CEP112: variants seen among roughly 807,000 people sequenced by gnomAD.
CEP112 encodes the protein centrosomal protein 112.
Under a neutral mutation model 153.0 loss-of-function variants are expected in CEP112, and 127 were observed. The ratio of observed to expected loss-of-function variants is 0.83; its 90% CI spans 0.72 to 0.96. The LOEUF (loss-of-function observed/expected upper bound fraction) is 0.96, where lower values mean the gene tolerates loss of function less well. CEP112 is among the 40% of genes least tolerant of loss of function. The probability of loss-of-function intolerance (pLI) is 0.00; values close to 1 mark genes in which losing one functional copy is unlikely to be tolerated. For missense variants in CEP112, 1,089 were observed against 1,101.2 expected, an observed-to-expected ratio of 0.99 and a Z score of 0.16; for synonymous variants, 358 against 374.4, an observed-to-expected ratio of 0.96 and a Z score of 0.51.
chr17:66,074,832 A>G, intron 8 of CEP112, among the ~76,000 whole-genome samples: 1 of 150,198 alleles, frequency 6.7e-6, no homozygotes, highest in Admixed American at 6.6e-5. Flanking sequence ...CACTGCACTC[A>G]AGCCTGGTGA....
At chr17:66,179,621 T>C (rs551598764) in intron 2 of CEP112, among the ~76,000 whole-genome samples, 7 of 152,184 alleles carry the variant, frequency 4.6e-5, no homozygotes, top group South Asian at 2.1e-4. Flanking sequence ...TATAAGATCA[T>C]AGCATCTTTA....
At chr17:65,960,236 A>G (rs1052935801) in intron 18 of CEP112, among the ~76,000 whole-genome samples, 2 of 152,210 alleles carry the variant, frequency 1.3e-5, no homozygotes, top group Non-Finnish European at 2.9e-5. Flanking sequence ...AAATAAATTT[A>G]GTGTTAAAAA....
intron 24 of CEP112, among the ~76,000 whole-genome samples, chr17:65,686,040 T>C (rs889171720): frequency 2.0e-5 from 3 of 151,906 alleles, no homozygotes; most frequent in Non-Finnish European, 4.4e-5. Flanking sequence ...AGATAAAAGA[T>C]TAAGTTAAAT....
chr17:65,769,216 CAAG>C (rs1003205287), intron 21 of CEP112, among the ~76,000 whole-genome samples: 19 of 151,806 alleles, frequency 1.3e-4, no homozygotes, highest in Admixed American at 1.2e-3. Flanking sequence ...TAAATTTAAC[CAAG>C]GAGAGACCTG....
intron 3 of CEP112, among the ~76,000 whole-genome samples, chr17:66,176,227 T>G (rs1350463069): frequency 1.3e-5 from 2 of 152,182 alleles, no homozygotes; most frequent in African/African-American, 2.4e-5. Flanking sequence ...TACCTAGTAC[T>G]CCAGATTTCT....
chr17:65,864,276 T>C (rs977459294), intron 20 of CEP112, among the ~76,000 whole-genome samples: 1 of 152,186 alleles, frequency 6.6e-6, no homozygotes, highest in African/African-American at 2.4e-5. Flanking sequence ...AGTCATATTT[T>C]AAGATGCTGG....
intron 8 of CEP112, among the ~76,000 whole-genome samples, chr17:66,090,286 T>C (rs932073722): frequency 6.6e-6 from 1 of 151,942 alleles, no homozygotes; most frequent in African/African-American, 2.4e-5. Flanking sequence ...AAACACAGAA[T>C]AGTCTAATAA....
intron 23 of CEP112, among the ~76,000 whole-genome samples, chr17:65,724,244 T>C (rs1416145841): frequency 2.6e-5 from 4 of 152,174 alleles, no homozygotes; most frequent in Non-Finnish European, 4.4e-5. Context: ...TCTTTTTGGG[T>C]GGCAGGACAG....
At chr17:65,745,361 T>C (rs1294952879) in intron 22 of CEP112, among the ~76,000 whole-genome samples, 3 of 152,254 alleles carry the variant, frequency 2.0e-5, no homozygotes, top group East Asian at 3.8e-4. Flanking sequence ...ATTGTTTCCA[T>C]TCTGGCATCA....
intron 24 of CEP112, among the ~76,000 whole-genome samples, chr17:65,684,040 TAAAAACAAAAAC>T (rs965610731): frequency 1.3e-5 from 2 of 151,988 alleles, no homozygotes; most frequent in African/African-American, 2.4e-5. Flanking sequence ...ACTCCATCAT[TAAAAACAAAAAC>T]AAAAACAAAA....
chr17:66,099,163 GAAGAT>G (rs2068461194), intron 6 of CEP112, among the ~76,000 whole-genome samples: 2 of 152,142 alleles, frequency 1.3e-5, no homozygotes, highest in African/African-American at 4.8e-5. Flanking sequence ...AAAAGCAGCT[GAAGAT>G]AAGGGCCCTG....
chr17:66,016,736 T>C (rs868128892), intron 16 of CEP112, among the ~76,000 whole-genome samples: 1 of 152,146 alleles, frequency 6.6e-6, no homozygotes, highest in Non-Finnish European at 1.5e-5. Flanking sequence ...TTCCCCTCTA[T>C]TTACTGTTGA....
At chr17:66,171,384 T>C (rs2072235974) in intron 4 of CEP112, among the ~76,000 whole-genome samples, 1 of 152,210 alleles carries the variant, frequency 6.6e-6, no homozygotes, top group Non-Finnish European at 1.5e-5. Flanking sequence ...GAGGCAGCAT[T>C]AAACTTCAGT....
intron 10 of CEP112, among the ~76,000 whole-genome samples, chr17:66,065,488 G>A (rs2067080394): frequency 6.6e-6 from 1 of 152,080 alleles, no homozygotes; most frequent in East Asian, 1.9e-4. Flanking sequence ...CCCAAAACAT[G>A]AGGTCCTAAA....
intron 11 of CEP112, among the ~76,000 whole-genome samples, chr17:66,056,227 C>T (rs1025366306): frequency 1.3e-5 from 2 of 152,178 alleles, no homozygotes; most frequent in South Asian, 4.1e-4. Flanking sequence ...ATAGTTGGCT[C>T]ATGCCAGAGG....
At chr17:65,776,321 G>A (rs991422926) in intron 21 of CEP112, among the ~76,000 whole-genome samples, 1 of 151,998 alleles carries the variant, frequency 6.6e-6, no homozygotes, top group African/African-American at 2.4e-5. Context: ...TGCAAGCTCC[G>A]CCTCCCGAGT....
At chr17:65,639,771 A>T (rs2044997834) in intron 25 of CEP112, among the ~76,000 whole-genome samples, 1 of 151,800 alleles carries the variant, frequency 6.6e-6, no homozygotes, top group Non-Finnish European at 1.5e-5. Context: ...AAAACATTCA[A>T]ACATGTTAGA....
At chr17:66,041,780 T>C (rs1392145165) in intron 12 of CEP112, among the ~76,000 whole-genome samples, 1 of 152,126 alleles carries the variant, frequency 6.6e-6, no homozygotes, top group African/African-American at 2.4e-5. Context: ...ATCCACATTC[T>C]CATATTAGTA....
intron 21 of CEP112, among the ~76,000 whole-genome samples, chr17:65,793,540 T>C (rs1022320433): frequency 1.3e-5 from 2 of 152,214 alleles, no homozygotes; most frequent in Non-Finnish European, 2.9e-5. Context: ...AATGTCTTCC[T>C]CTAATTCCTA....
Sources: allele counts gnomAD v4.1 joint callset (sites outside exome capture counted in the v4.1 genomes callset), GRCh38; gene constraint gnomAD v4.1.1; transcripts MANE v1.5; gene names NCBI Gene and HGNC (gene_info 2026-07-23, HGNC 2026-07-21).